AK7: variants seen among roughly 807,000 people sequenced by gnomAD.
The protein encoded by AK7 is adenylate kinase 7, also known as ATP-AMP transphosphorylase 7.
In AK7, 78 loss-of-function variants were observed where a neutral mutation model predicts 96.6. That is an observed-to-expected ratio of 0.81 (90% CI 0.67 to 0.97). The LOEUF is 0.97. Among genes scored for constraint, AK7 ranks in the 50% least tolerant of loss-of-function variants. The pLI is 0.00. For missense variants in AK7, 855 were observed against 887.9 expected (o/e 0.96, Z 0.47); for synonymous variants, 302 against 317.2 (o/e 0.95, Z 0.51).
At chr14:96,471,771 TC>T (rs907497010) in intron 13 of AK7, among the ~76,000 whole-genome samples, 165 bp downstream of exon 13, 4 of 151,984 alleles carry the variant, frequency 2.6e-5, no homozygotes, top group Non-Finnish European at 5.9e-5. Flanking sequence ...TCTTTTTTTT[TC>T]CCCCTGGATG....
Position 96,482,989 on chromosome 14 carries a change from G to T in AK7, c.1754-10G>T, listed in dbSNP as rs375868529. ...TAAGTATGTGTTGATCTCTCTCCTGGTATTTAAAGATGTAGGAAAACTTGA... is the reference window on the plus strand; with the variant it reads ...TAAGTATGTGTTGATCTCTCTCCTGTTATTTAAAGATGTAGGAAAACTTGA... On this transcript the variant is annotated splice_polypyrimidine_tract_variant and intron_variant, in intron 15 of 17. Coordinates refer to ENST00000267584, the MANE Select transcript of AK7 (RefSeq NM_152327.5). 3.1e-6 allele frequency: 5 copies of T among 1,613,452 alleles called. No individual in the cohort carries two copies. The African/African-American group carries it at 6.7e-5, about 22-fold the overall frequency.
Position 96,404,864 on chromosome 14 carries a change from T to G in AK7, c.402T>G (p.Ser134=). Residue 134 remains serine, a splice_region_variant and synonymous_variant, in exon 3 of 18, where the codon TCT becomes TCG. Coordinates refer to ENST00000267584, the MANE Select transcript of AK7 (RefSeq NM_152327.5). ...TGGAGGAAGCCATCTGGGCAGTCTCTGGTCAGTGAGGTGTACTCTTTTATC... is the reference window on the plus strand; with the variant it reads ...TGGAGGAAGCCATCTGGGCAGTCTCGGGTCAGTGAGGTGTACTCTTTTATC... The part of the protein sequence containing the change: ...QQMEEAIWAV[S]ALSEEVSHFE... 6.2e-7 allele frequency: 1 copy of G among 1,603,390 alleles called. No homozygotes were observed. Among genetic ancestry groups the G allele is most frequent in the Non-Finnish European group, 8.5e-7 (1 of 1,171,544 alleles).
chr14:96,438,909 G>C (rs1045586928), intron 6 of AK7, among the ~76,000 whole-genome samples: 3 of 152,202 alleles, frequency 2.0e-5, no homozygotes, highest in Admixed American at 2.0e-4. Context: ...AATGGGATTT[G>C]TTCAAAGCTT....
At chr14:96,458,686 G>A (rs984763967) in intron 12 of AK7, among the ~76,000 whole-genome samples, 1 of 149,736 alleles carries the variant, frequency 6.7e-6, no homozygotes, top group Non-Finnish European at 1.5e-5. Context: ...AGGTTGCAGT[G>A]AGCCAAGTTC....
chr14:96,435,261 G>C (rs75537282), intron 5 of AK7, among the ~76,000 whole-genome samples: 10,666 of 152,096 alleles, frequency 0.07, 1,294 homozygotes, highest in African/African-American at 0.24. Context: ...ATAGTACCTG[G>C]GTATCACTGC....
At chr14:96,471,384 G>A in intron 12 of AK7, 94 bp from the exon 13 acceptor site, 3 of 424,946 alleles carry the variant, frequency 7.1e-6, no homozygotes, top group South Asian at 6.3e-5. Flanking sequence ...TAGTACCTTT[G>A]ACTACACAAC....
chr14:96,430,572 G>A (rs1420263537), intron 5 of AK7, among the ~76,000 whole-genome samples: 1 of 152,122 alleles, frequency 6.6e-6, no homozygotes, highest in African/African-American at 2.4e-5. Flanking sequence ...TTTATGTGAT[G>A]GATTACGTTT....
At chr14:96,472,235 T>C (rs1244909630) in intron 13 of AK7, among the ~76,000 whole-genome samples, 1 of 152,186 alleles carries the variant, frequency 6.6e-6, no homozygotes. Context: ...AATCATAGTT[T>C]ACTGCAGCCT....
intron 2 of AK7, among the ~76,000 whole-genome samples, chr14:96,401,218 G>C (rs1363122772): frequency 2.6e-5 from 4 of 152,224 alleles, no homozygotes; most frequent in Non-Finnish European, 4.4e-5. Flanking sequence ...TGTGACAGTA[G>C]ATGTGGGGAC....
At chr14:96,424,189 C>T (rs994475135) in intron 5 of AK7, 3 of 582,774 alleles carry the variant, frequency 5.1e-6, no homozygotes, top group Non-Finnish European at 9.6e-6. Context: ...CTCCAGGGCC[C>T]GGACCGCTGT....
chr14:96,420,544 T>TAATAAAATAA (rs144276618), intron 4 of AK7, among the ~76,000 whole-genome samples: 15 of 149,526 alleles, frequency 1.0e-4, no homozygotes, highest in African/African-American at 3.8e-4. Context: ...AAATGAAATA[T>TAATAAAATAA]AATAAAATAA....
At chr14:96,456,257 AAAAAG>A in intron 10 of AK7, 85 bp from the exon 11 acceptor site, 13 of 1,138,860 alleles carry the variant, frequency 1.1e-5, no homozygotes, top group Admixed American at 7.9e-5. Flanking sequence ...AAAAAAAAAA[AAAAAG>A]CACTCCCCTG....
At chr14:96,463,472 C>G (rs1348926063) in intron 12 of AK7, among the ~76,000 whole-genome samples, 1 of 151,916 alleles carries the variant, frequency 6.6e-6, no homozygotes, top group Non-Finnish European at 1.5e-5. Flanking sequence ...GTAATCCCAG[C>G]ACTTTGGGAG....
intron 6 of AK7, among the ~76,000 whole-genome samples, chr14:96,439,481 G>A (rs957669702): frequency 1.3e-5 from 2 of 152,088 alleles, no homozygotes; most frequent in East Asian, 3.8e-4. Flanking sequence ...TGGCTAACAC[G>A]GAGAAACCCC....
chr14:96,396,810 T>G (rs1286309058), intron 1 of AK7, among the ~76,000 whole-genome samples: 2 of 152,366 alleles, frequency 1.3e-5, no homozygotes, highest in African/African-American at 4.8e-5. Flanking sequence ...CTTCGCCAAC[T>G]TCTTTCTATT....
chr14:96,469,964 T>C (rs1206823695), intron 12 of AK7, among the ~76,000 whole-genome samples: 1 of 151,990 alleles, frequency 6.6e-6, no homozygotes, highest in Non-Finnish European at 1.5e-5. Flanking sequence ...ATTACAGGCA[T>C]GTGCCACCAC....
chr14:96,407,891 G>T (rs1221549135), intron 3 of AK7, among the ~76,000 whole-genome samples: 1 of 151,954 alleles, frequency 6.6e-6, no homozygotes. Flanking sequence ...TATGTTTCTT[G>T]AAAATTATAC....
chr14:96,457,865 A>G (rs1345329297), intron 11 of AK7, among the ~76,000 whole-genome samples: 1 of 152,220 alleles, frequency 6.6e-6, no homozygotes, highest in East Asian at 1.9e-4. Context: ...CATTAGCACA[A>G]AAATATACTA....
chr14:96,478,845 G>A (rs1895341935), intron 15 of AK7, among the ~76,000 whole-genome samples, 183 bp downstream of exon 15: 1 of 152,014 alleles, frequency 6.6e-6, no homozygotes, highest in African/African-American at 2.4e-5. Context: ...GGATTTGGTG[G>A]TGGGAGGGTG....
Sources: allele counts gnomAD v4.1 joint callset (sites outside exome capture counted in the v4.1 genomes callset), GRCh38; gene constraint gnomAD v4.1.1; transcripts MANE v1.5; gene names NCBI Gene and HGNC (gene_info 2026-07-23, HGNC 2026-07-21).